The following GRIK4 variants were observed in gnomAD, a reference collection of about 807,000 sequenced individuals.
The protein encoded by GRIK4 is glutamate receptor ionotropic, kainate 4.
Under a neutral mutation model 104.9 loss-of-function variants are expected in GRIK4, and 40 were observed. That is an observed-to-expected ratio of 0.38 (90% CI 0.30 to 0.50). GRIK4 has a LOEUF of 0.50. GRIK4 is among the 20% of genes least tolerant of loss of function. The pLI, the probability that GRIK4 is intolerant of heterozygous loss-of-function variation, is 0.93. For missense variants in GRIK4, 1,047 were observed against 1,308.1 expected (o/e 0.80, Z 3.08); for synonymous variants, 485 against 524.9 (o/e 0.92, Z 1.04).
At chr11:120,573,200 C>T (rs969043207) in intron 1 of GRIK4, among the ~76,000 whole-genome samples, 11 of 152,050 alleles carry the variant, frequency 7.2e-5, no homozygotes, top group African/African-American at 2.2e-4. Flanking sequence ...GAGTGAGCCC[C>T]GTAAATGTTT....
At chr11:120,961,842 T>C (rs535703089) in intron 17 of GRIK4, among the ~76,000 whole-genome samples, 2 of 152,344 alleles carry the variant, frequency 1.3e-5, no homozygotes, top group East Asian at 3.9e-4. Flanking sequence ...GCCTTCAGCT[T>C]TCTGTTTTCC....
chr11:120,932,352 G>C (rs2134611691), intron 13 of GRIK4, among the ~76,000 whole-genome samples: 1 of 152,242 alleles, frequency 6.6e-6, no homozygotes, highest in South Asian at 2.1e-4. Flanking sequence ...AAACAGGCGG[G>C]GAGGGGGCAT....
chr11:120,638,575 TCA>T (rs1949429089), intron 1 of GRIK4, among the ~76,000 whole-genome samples: 1 of 151,904 alleles, frequency 6.6e-6, no homozygotes, highest in Non-Finnish European at 1.5e-5. Context: ...CCTCCTGGGT[TCA>T]CGCCATTCTC....
At chr11:120,783,406 C>T (rs959222283) in intron 3 of GRIK4, among the ~76,000 whole-genome samples, 2 of 152,084 alleles carry the variant, frequency 1.3e-5, no homozygotes, top group African/African-American at 4.8e-5. Context: ...CTCTTCTCTC[C>T]TGCCTTCCTC....
At chr11:120,644,232 T>C (rs548950660) in intron 1 of GRIK4, among the ~76,000 whole-genome samples, 19 of 152,284 alleles carry the variant, frequency 1.2e-4, no homozygotes, top group African/African-American at 4.3e-4. Context: ...TAAATCCTTG[T>C]TGAATGAATG....
Position 120,665,444 on chromosome 11 carries a change from G to C in GRIK4, c.82+5044G>C, listed in dbSNP as rs150038314. Among the ~76,000 whole-genome samples, 398 of 152,286 alleles carry C rather than the reference G, an allele frequency of 2.6e-3. 2 individuals carry two copies. The highest frequency in any genetic ancestry group is 9.0e-3 in the African/African-American group (375 of 41,564). ...TGTCACCTAGGGGGGGAATATAGAA[G>C]GATTTCTAGGACATAAATCTCTCCC... On this transcript the variant is annotated intron_variant, in intron 3 of 20. Transcript: ENST00000527524.
chr11:120,776,988 G>T (rs531656940), intron 3 of GRIK4, among the ~76,000 whole-genome samples: 5 of 152,156 alleles, frequency 3.3e-5, no homozygotes, highest in African/African-American at 7.2e-5. Flanking sequence ...AGCTACGAGG[G>T]GGGTGTGAGT....
chr11:120,900,749 G>A (rs1427970190), intron 12 of GRIK4, among the ~76,000 whole-genome samples: 1 of 152,166 alleles, frequency 6.6e-6, no homozygotes, highest in Non-Finnish European at 1.5e-5. Context: ...GGCACAGGGA[G>A]CTGTCGAAGC....
intron 1 of GRIK4, among the ~76,000 whole-genome samples, chr11:120,574,480 A>AC (rs1948451763): frequency 6.6e-6 from 1 of 152,160 alleles, no homozygotes; most frequent in Admixed American, 6.5e-5. Context: ...ACACGGAAGC[A>AC]CCTGGCTCAC....
intron 3 of GRIK4, among the ~76,000 whole-genome samples, chr11:120,784,456 C>T (rs1952224025): frequency 6.6e-6 from 1 of 152,060 alleles, no homozygotes; most frequent in East Asian, 1.9e-4. Flanking sequence ...TTGCTTTTTT[C>T]CTTGGTGTGG....
rs559944983 is a variant in GRIK4 at position 120,788,733 on chromosome 11, T to G, written c.83-13960T>G. Among the ~76,000 whole-genome samples the G allele has an allele frequency of 1.1e-3, 174 of 152,112 alleles. 1 individual carries two copies. Among genetic ancestry groups the G allele is most frequent in the African/African-American group, 4.0e-3 (166 of 41,462 alleles). ...TCTTTCCCTTCCCACTGGCTCCTCT[T>G]CTGAGCCCTTCTTATCTTAATTTAA... On this transcript the variant is annotated intron_variant, in intron 3 of 20. Coordinates refer to ENST00000527524, the MANE Select transcript of GRIK4 (RefSeq NM_014619.5).
intron 3 of GRIK4, among the ~76,000 whole-genome samples, chr11:120,742,060 C>T (rs960310987): frequency 8.5e-5 from 13 of 152,110 alleles, no homozygotes; most frequent in Non-Finnish European, 1.9e-4. Flanking sequence ...AAAACAACCC[C>T]ATAGTCCGGG....
At chr11:120,640,639 C>A (rs910921401) in intron 1 of GRIK4, among the ~76,000 whole-genome samples, 17 of 152,092 alleles carry the variant, frequency 1.1e-4, no homozygotes, top group Non-Finnish European at 2.2e-4. Context: ...TTAACCATAA[C>A]AAGGAGGGAG....
rs762543001 is a variant in GRIK4, at chr11:120,741,275, C to CTTTTTT, written c.83-61400_83-61395dup. On this transcript the variant is annotated intron_variant, in intron 3 of 20. Transcript: ENST00000527524. ...AGTGGCAGAACAGGCCGTGTGCTTT[C>CTTTTTT]TTTTTTTTTTTTTTTTTTTTTTTGA... Among the ~76,000 whole-genome samples, 203 of 106,862 alleles carry CTTTTTT rather than the reference C, an allele frequency of 1.9e-3. 1 individual carries two copies. Among genetic ancestry groups the CTTTTTT allele is most frequent in the Non-Finnish European group, 3.0e-3 (156 of 52,688 alleles). 70.1% of individuals were successfully genotyped at this position (106,862 alleles called of 152,430 possible).
intron 14 of GRIK4, among the ~76,000 whole-genome samples, chr11:120,949,109 T>C (rs1659265944): frequency 6.6e-6 from 1 of 152,184 alleles, no homozygotes; most frequent in African/African-American, 2.4e-5. Flanking sequence ...TGTCATTTCT[T>C]CCAGTATATA....
Position 120,952,417 on chromosome 11 carries a change from C to T in GRIK4, c.1591-438C>T, listed in dbSNP as rs1010317968. On this transcript the variant is annotated intron_variant, in intron 14 of 20. Coordinates refer to ENST00000527524, the MANE Select transcript of GRIK4 (RefSeq NM_014619.5). The surrounding 1 kb of genome is among the most constrained non-coding windows in gnomAD (Gnocchi z 5.2). The stretch of plus-strand genomic sequence containing the variant: ...CCCTGCAAACAAAACCCAGAGACTC[C>T]GGTTGTATTAGCATCCTGGTGAAAA... Among the ~76,000 whole-genome samples the T allele has an allele frequency of 3.3e-5, 5 of 152,140 alleles. No individual in the cohort carries two copies. The highest frequency in any genetic ancestry group is 2.0e-4 in the Admixed American group (3 of 15,282).
intron 3 of GRIK4, among the ~76,000 whole-genome samples, chr11:120,780,350 A>T (rs1485939567): frequency 6.6e-6 from 1 of 152,210 alleles, no homozygotes; most frequent in Non-Finnish European, 1.5e-5. Context: ...GCCCCTGGCA[A>T]CAACCTTGGT....
At chr11:120,787,620 G>A (rs11501142) in intron 3 of GRIK4, among the ~76,000 whole-genome samples, 7,993 of 150,452 alleles carry the variant, frequency 0.053, 644 homozygotes, top group African/African-American at 0.18. Context: ...ACTCCACCAC[G>A]CCCAGCTAAT....
intron 9 of GRIK4, among the ~76,000 whole-genome samples, chr11:120,862,927 A>C (rs1416966737): frequency 1.3e-5 from 2 of 152,152 alleles, no homozygotes; most frequent in Non-Finnish European, 2.9e-5. Context: ...GCTAACTCCA[A>C]CTTCCTGAGG....
Sources: gnomAD v4.1 joint callset for allele counts (sites outside exome capture counted in the v4.1 genomes callset) on GRCh38, gnomAD v4.1.1 for gene constraint, Gnocchi (gnomAD v3.1) non-coding constraint, MANE v1.5 for transcripts, NCBI Gene and HGNC (gene_info 2026-07-23, HGNC 2026-07-21) for gene names.